Variants in TEX36 observed in about 807,000 individuals in gnomAD.
TEX36 encodes the protein testis-expressed protein 36.
A neutral mutation model predicts 13.6 loss-of-function variants in TEX36; 12 were observed. The ratio of observed to expected loss-of-function variants is 0.88; its 90% CI spans 0.56 to 1.43. The LOEUF is 1.43. Ranked by LOEUF, TEX36 falls within the 40% of genes most tolerant of loss-of-function variation. TEX36 has a pLI of 0.00. For synonymous variants in TEX36, 93 were observed against 83.0 expected (o/e 1.12, Z -0.65); for missense variants, 224 against 228.3 (o/e 0.98, Z 0.12).
intron 3 of TEX36, among the ~76,000 whole-genome samples, chr10:125,582,104 A>T (rs1845890543): frequency 6.6e-6 from 1 of 152,160 alleles, no homozygotes; most frequent in South Asian, 2.1e-4. Context: ...TTCCCATGGC[A>T]AGGCCAAGGG....
chr10:125,622,863 G>T (rs1251161926), intron 3 of TEX36, among the ~76,000 whole-genome samples: 2 of 152,168 alleles, frequency 1.3e-5, no homozygotes, highest in Non-Finnish European at 2.9e-5. Context: ...AGCCCAGAGT[G>T]GCCAGGTGGC....
chr10:125,610,874 A>G (rs1037994819), intron 3 of TEX36, among the ~76,000 whole-genome samples: 38 of 152,154 alleles, frequency 2.5e-4, no homozygotes, highest in Non-Finnish European at 5.3e-4. Flanking sequence ...TTATTTTTTC[A>G]TATTGATAAT....
Position 125,664,211 on chromosome 10 carries a change from T to A in TEX36, c.52-2234A>T, listed in dbSNP as rs542343664. Among the ~76,000 whole-genome samples the A allele has an allele frequency of 2.6e-5, 4 of 152,250 alleles. No individual in the cohort carries two copies. In the East Asian group the frequency reaches 7.7e-4, roughly 29 times the overall value. On this transcript the variant is annotated intron_variant, in intron 1 of 3. Coordinates refer to ENST00000368821, the MANE Select transcript of TEX36 (RefSeq NM_001128202.3). The stretch of plus-strand genomic sequence containing the variant: ...GCTGAATAGTACTTCATTTTGTATG[T>A]GTACCATATTTCTTTATCCATTCAT...
At chr10:125,623,179 T>C (rs879805545) in intron 3 of TEX36, among the ~76,000 whole-genome samples, 2 of 152,166 alleles carry the variant, frequency 1.3e-5, no homozygotes, top group Admixed American at 1.3e-4. Flanking sequence ...CTAGTTGGTG[T>C]TGTAAGGCCA....
At position 125,656,212 on chromosome 10, in the gene TEX36, A is replaced by G; in HGVS notation, c.265-16T>C. On this transcript the variant is annotated splice_polypyrimidine_tract_variant and intron_variant, in intron 3 of 3. Transcript: ENST00000368821. ...GTCCCAGGCCCTGGAGAGAAGAATTACAAGATTCGAAGGAAAATATTCAAG... is the reference window on the plus strand; with the variant it reads ...GTCCCAGGCCCTGGAGAGAAGAATTGCAAGATTCGAAGGAAAATATTCAAG... The G allele has an allele frequency of 7.1e-7, 1 of 1,400,108 alleles. No individual in the cohort carries two copies. Among genetic ancestry groups the G allele is most frequent in the Non-Finnish European group, 9.3e-7 (1 of 1,072,702 alleles). 86.7% of individuals were successfully genotyped at this position (1,400,108 alleles called of 1,614,324 possible).
At chr10:125,672,094 AT>A (rs60370979) in intron 1 of TEX36, among the ~76,000 whole-genome samples, 14,694 of 151,374 alleles carry the variant, frequency 0.097, 1,718 homozygotes, top group African/African-American at 0.28. Context: ...AGATTCATTG[AT>A]TTTTTTTGAA....
chr10:125,598,956 TA>T (rs1846112315), intron 3 of TEX36, among the ~76,000 whole-genome samples: 1 of 152,198 alleles, frequency 6.6e-6, no homozygotes. Flanking sequence ...ATATCAACCC[TA>T]TTTTTCCATA....
At chr10:125,635,156 G>A (rs772226526) in intron 3 of TEX36, among the ~76,000 whole-genome samples, 1 of 152,178 alleles carries the variant, frequency 6.6e-6, no homozygotes, top group Non-Finnish European at 1.5e-5. Flanking sequence ...AGATTTAACA[G>A]CAAAGAGTCT....
At chr10:125,581,705 A>G (rs897466424) in intron 3 of TEX36, among the ~76,000 whole-genome samples, 1 of 152,200 alleles carries the variant, frequency 6.6e-6, no homozygotes, top group Non-Finnish European at 1.5e-5. Context: ...ATTCTCAAAC[A>G]AAGAATCATG....
At chr10:125,671,161 A>G (rs1314944501) in intron 1 of TEX36, among the ~76,000 whole-genome samples, 2 of 152,120 alleles carry the variant, frequency 1.3e-5, no homozygotes, top group East Asian at 3.8e-4. Flanking sequence ...AGAACTTCCA[A>G]ATACTTTGTT....
chr10:125,601,815 G>C (rs577614743), intron 3 of TEX36, among the ~76,000 whole-genome samples: 1 of 152,198 alleles, frequency 6.6e-6, no homozygotes, highest in African/African-American at 2.4e-5. Context: ...CATCCTCTGG[G>C]AACACCGACC....
At chr10:125,594,573 A>G (rs976453773) in intron 3 of TEX36, among the ~76,000 whole-genome samples, 12 of 152,260 alleles carry the variant, frequency 7.9e-5, no homozygotes, top group Non-Finnish European at 1.3e-4. Context: ...CCTTCAAAAA[A>G]GCTCTCAAAC....
intron 3 of TEX36, among the ~76,000 whole-genome samples, chr10:125,647,029 C>T (rs534045557): frequency 5.9e-5 from 9 of 152,210 alleles, no homozygotes; most frequent in South Asian, 2.1e-4. Flanking sequence ...AATTGCATAT[C>T]GAATTCTGAA....
At chr10:125,665,906 G>A (rs1847113287) in intron 1 of TEX36, among the ~76,000 whole-genome samples, 2 of 152,138 alleles carry the variant, frequency 1.3e-5, no homozygotes, top group South Asian at 2.1e-4. Context: ...TTCTTATAGA[G>A]ATATTTTACC....
chr10:125,671,140 T>C (rs550635239), intron 1 of TEX36, among the ~76,000 whole-genome samples: 2 of 152,348 alleles, frequency 1.3e-5, no homozygotes, highest in Admixed American at 1.3e-4. Context: ...TCTTGCCTGA[T>C]TGTCCTGTCC....
In TEX36 at chr10:125,603,300, GCC is replaced by G. The variant is rs199795877; in HGVS notation, c.265-26428_265-26427del. Among the ~76,000 whole-genome samples the G allele has an allele frequency of 8.4e-3, 1,282 of 152,256 alleles. 8 individuals carry two copies. Among genetic ancestry groups the G allele is most frequent in the Admixed American group, 0.029 (440 of 15,296 alleles). On this transcript the variant is annotated intron_variant, in intron 3 of 3. Coordinates refer to the TEX36 transcript ENST00000532135. Reference sequence around the variant, plus strand: ...CCGACTTCCAAGTACCTGTGCCTGTGCCCCCATCCCTGCACCAGAAACCTGGC... The same window carrying G: ...CCGACTTCCAAGTACCTGTGCCTGTGCCCATCCCTGCACCAGAAACCTGGC...
At position 125,601,668 on chromosome 10, in the gene TEX36, G is replaced by A. The variant is rs1434459589; in HGVS notation, c.265-24794C>T. On this transcript the variant is annotated intron_variant, in intron 3 of 3. Coordinates refer to the TEX36 transcript ENST00000532135. ...CTTCCAGTTGCTTCCCACTGCTGAT[G>A]GCTCAACTGGGGATCCAGGGCCCCC... Among the ~76,000 whole-genome samples the A allele has an allele frequency of 2.0e-5, 3 of 152,338 alleles. No individual in the cohort carries two copies. In the East Asian group the frequency reaches 5.8e-4, roughly 29 times the overall value.
chr10:125,654,455 A>G (rs1237243582), downstream of TEX36, among the ~76,000 whole-genome samples: 1 of 152,236 alleles, frequency 6.6e-6, no homozygotes, highest in African/African-American at 2.4e-5. Context: ...GGGAAGATAC[A>G]GTATAAAGGT....
At chr10:125,649,823 C>CA (rs1299467507) in intron 3 of TEX36, among the ~76,000 whole-genome samples, 7 of 151,122 alleles carry the variant, frequency 4.6e-5, no homozygotes, top group Non-Finnish European at 1.0e-4. Context: ...AAATGGAAAA[C>CA]AAAAAAAAGC....
Sources: allele counts gnomAD v4.1 joint callset (sites outside exome capture counted in the v4.1 genomes callset), GRCh38; gene constraint gnomAD v4.1.1; transcripts MANE v1.5; gene names NCBI Gene and HGNC (gene_info 2026-07-23, HGNC 2026-07-21).